Variants in GALNT13 observed in about 807,000 individuals in gnomAD.
GALNT13 encodes polypeptide N-acetylgalactosaminyltransferase 13, also known as UDP-GalNAc:polypeptide N-acetylgalactosaminyltransferase 13.
In GALNT13, 28 loss-of-function variants were observed where a neutral mutation model predicts 64.2. The ratio of observed to expected loss-of-function variants is 0.44; its 90% CI spans 0.32 to 0.60. The LOEUF (loss-of-function observed/expected upper bound fraction) is 0.60. GALNT13 is among the 20% of genes least tolerant of loss of function. The pLI, the probability that GALNT13 is intolerant of heterozygous loss-of-function variation, is 0.05. For synonymous variants in GALNT13, 214 were observed against 224.6 expected (o/e 0.95, Z 0.42); for missense variants, 577 against 669.8 (o/e 0.86, Z 1.53).
the GALNT13 span, among the ~76,000 whole-genome samples, chr2:153,851,704 GAAGAAC>G: frequency 2.7e-5 from 4 of 145,942 alleles, no homozygotes; most frequent in Non-Finnish European, 6.3e-5. Flanking sequence ...CTCAAAGAAA[GAAGAAC>G]AACAACAACA....
At chr2:153,251,586 C>T in the GALNT13 span, among the ~76,000 whole-genome samples, 2 of 151,300 alleles carry the variant, frequency 1.3e-5, no homozygotes, top group East Asian at 3.9e-4. Flanking sequence ...CGTCATCTCG[C>T]ATTAGGTATA....
intron 3 of GALNT13, among the ~76,000 whole-genome samples, chr2:154,063,113 T>A (rs1312564963): frequency 6.6e-6 from 1 of 152,114 alleles, no homozygotes; most frequent in Non-Finnish European, 1.5e-5. Context: ...TGTCACCCTT[T>A]TTGTTTCTGC....
At chr2:153,149,129 T>C in the GALNT13 span, among the ~76,000 whole-genome samples, 1 of 151,880 alleles carries the variant, frequency 6.6e-6, no homozygotes, top group East Asian at 1.9e-4. Flanking sequence ...AAATAGTATT[T>C]ATAATAAGTT....
At chr2:153,305,778 T>C in the GALNT13 span, among the ~76,000 whole-genome samples, 1 of 152,188 alleles carries the variant, frequency 6.6e-6, no homozygotes. Flanking sequence ...CTTAGAGAGT[T>C]CATTACTTCC....
At chr2:154,098,240 G>A (rs1257757780) in intron 3 of GALNT13, among the ~76,000 whole-genome samples, 1 of 151,870 alleles carries the variant, frequency 6.6e-6, no homozygotes, top group African/African-American at 2.4e-5. Context: ...TTTGGCACAT[G>A]GTTATGAGGT....
At chr2:153,180,972 G>A in the GALNT13 span, among the ~76,000 whole-genome samples, 1 of 125,352 alleles carries the variant, frequency 8.0e-6, no homozygotes, top group African/African-American at 2.9e-5. Context: ...TAGTTGCATT[G>A]ATCTTTTTTA....
chr2:153,086,916 T>C, the GALNT13 span, among the ~76,000 whole-genome samples: 1 of 152,134 alleles, frequency 6.6e-6, no homozygotes, highest in South Asian at 2.1e-4. Context: ...TATATGATCA[T>C]ACCATCAGCG....
intron 4 of GALNT13, among the ~76,000 whole-genome samples, chr2:154,176,360 C>G (rs188667340): frequency 6.6e-6 from 1 of 151,220 alleles, no homozygotes; most frequent in South Asian, 2.1e-4. Flanking sequence ...CTGCAACCTC[C>G]GCCTCCTGGG....
chr2:154,254,235 T>C (rs1309524721), intron 7 of GALNT13, among the ~76,000 whole-genome samples: 1 of 152,198 alleles, frequency 6.6e-6, no homozygotes, highest in African/African-American at 2.4e-5. Flanking sequence ...ACACTTTACA[T>C]GCAGGGAAAT....
At chr2:153,872,741 G>A (rs1195983528) in intron 1 of GALNT13, among the ~76,000 whole-genome samples, 2 of 151,884 alleles carry the variant, frequency 1.3e-5, no homozygotes, top group Non-Finnish European at 2.9e-5. Context: ...CCCCGGCTGC[G>A]TTGCGGGCGT....
chr2:153,932,677 G>A (rs1220528206), intron 2 of GALNT13, among the ~76,000 whole-genome samples: 11 of 125,446 alleles, frequency 8.8e-5, no homozygotes, highest in Admixed American at 6.2e-4. Flanking sequence ...GCCCAGCCTC[G>A]AATGCAATGG....
the GALNT13 span, among the ~76,000 whole-genome samples, chr2:153,096,406 C>G: frequency 6.6e-6 from 1 of 152,108 alleles, no homozygotes; most frequent in African/African-American, 2.4e-5. Flanking sequence ...TGCAGATGAG[C>G]CCTGATAGTT....
At chr2:153,899,883 A>G (rs1295232088) in intron 1 of GALNT13, among the ~76,000 whole-genome samples, 2 of 150,778 alleles carry the variant, frequency 1.3e-5, no homozygotes, top group Non-Finnish European at 3.0e-5. Context: ...TCTGTCTGAA[A>G]GAACACACTG....
chr2:153,722,857 C>A, the GALNT13 span, among the ~76,000 whole-genome samples: 36 of 150,892 alleles, frequency 2.4e-4, no homozygotes, highest in South Asian at 7.7e-3. Flanking sequence ...GGATTCACAG[C>A]CGAATTCTAC....
At chr2:154,207,956 C>G (rs1687554510) in intron 4 of GALNT13, among the ~76,000 whole-genome samples, 1 of 152,190 alleles carries the variant, frequency 6.6e-6, no homozygotes, top group Non-Finnish European at 1.5e-5. Context: ...CCCTCTTCAG[C>G]ATTATCCTGA....
At chr2:154,203,771 A>T (rs981716086) in intron 4 of GALNT13, among the ~76,000 whole-genome samples, 1 of 152,122 alleles carries the variant, frequency 6.6e-6, no homozygotes, top group African/African-American at 2.4e-5. Flanking sequence ...CAGCTCTATA[A>T]TGTAGCCTGA....
At chr2:153,545,233 G>A in the GALNT13 span, among the ~76,000 whole-genome samples, 1 of 152,166 alleles carries the variant, frequency 6.6e-6, no homozygotes, top group Non-Finnish European at 1.5e-5. Flanking sequence ...CCATTTCTGA[G>A]ATATGGCCCT....
the GALNT13 span, among the ~76,000 whole-genome samples, chr2:153,264,849 C>G: frequency 0.012 from 1,800 of 152,236 alleles, 24 homozygotes; most frequent in Non-Finnish European, 0.018. Flanking sequence ...GGGCTTAATA[C>G]CTAGGTGATG....
chr2:154,127,698 C>CCA (rs1168177962), intron 3 of GALNT13, among the ~76,000 whole-genome samples: 47 of 143,374 alleles, frequency 3.3e-4, no homozygotes, highest in African/African-American at 1.2e-3. Context: ...ATATCCATAT[C>CCA]CACACACACA....
Sources: gnomAD v4.1 joint callset for allele counts (sites outside exome capture counted in the v4.1 genomes callset) on GRCh38, gnomAD v4.1.1 for gene constraint, MANE v1.5 for transcripts, NCBI Gene and HGNC (gene_info 2026-07-23, HGNC 2026-07-21) for gene names.